Variants in SLC37A1 observed in about 807,000 individuals in gnomAD.
SLC37A1 encodes the protein solute carrier family 37 member 1.
SLC37A1 carries 49 observed loss-of-function variants against 75.3 expected under a neutral mutation model. The observed-to-expected ratio is 0.65, with a 90% confidence interval of 0.52 to 0.83. SLC37A1 has a LOEUF of 0.83. Among genes scored for constraint, SLC37A1 ranks in the 40% least tolerant of loss-of-function variants. The pLI is 0.00. For synonymous variants in SLC37A1, 268 were observed against 292.1 expected, an observed-to-expected ratio of 0.92 and a Z score of 0.84; for missense variants, 566 against 695.0, an observed-to-expected ratio of 0.81 and a Z score of 2.09.
chr21:42,553,726 A>G (rs1336001506), intron 9 of SLC37A1, among the ~76,000 whole-genome samples: 1 of 151,730 alleles, frequency 6.6e-6, no homozygotes, highest in Non-Finnish European at 1.5e-5. Flanking sequence ...TGTTCCTCAC[A>G]TGTTAAAGGG....
chr21:42,535,418 G>T, intron 4 of SLC37A1, 54 bp from the exon 5 acceptor site: 2 of 1,472,078 alleles, frequency 1.4e-6, no homozygotes, highest in South Asian at 2.3e-5. Context: ...CCGTGCTCTA[G>T]AACATAAACT....
chr21:42,519,666 G>T (rs2054598014), intron 2 of SLC37A1, among the ~76,000 whole-genome samples: 1 of 152,178 alleles, frequency 6.6e-6, no homozygotes, highest in African/African-American at 2.4e-5. Context: ...CAGCCCTGCT[G>T]GTTGGTGGAG....
At chr21:42,531,844 A>G (rs762931903) in intron 3 of SLC37A1, among the ~76,000 whole-genome samples, 1 of 152,230 alleles carries the variant, frequency 6.6e-6, no homozygotes, top group Non-Finnish European at 1.5e-5. Flanking sequence ...CTGGAGTAAT[A>G]TGAAATCTCG....
At chr21:42,570,178 C>CCATGT (rs1555888056) in intron 17 of SLC37A1, among the ~76,000 whole-genome samples, 932 of 47,950 alleles carry the variant, frequency 0.019, 165 homozygotes, top group African/African-American at 0.048. Context: ...GTGGCCATTG[C>CCATGT]CATGTGACAC....
chr21:42,564,651 TC>T, intron 13 of SLC37A1, 56 bp from the exon 14 acceptor site: 1 of 1,415,868 alleles, frequency 7.1e-7, no homozygotes. Context: ...TTCTGCTTCC[TC>T]CCCGTGGGCT....
chr21:42,541,708 A>G (rs890789134), intron 6 of SLC37A1, among the ~76,000 whole-genome samples: 1 of 152,224 alleles, frequency 6.6e-6, no homozygotes, highest in South Asian at 2.1e-4. Flanking sequence ...AACAGTTCAT[A>G]AAGAGAAGAA....
intron 1 of SLC37A1, among the ~76,000 whole-genome samples, chr21:42,516,208 G>T (rs907121380): frequency 2.0e-5 from 3 of 152,232 alleles, no homozygotes; most frequent in Non-Finnish European, 4.4e-5. Flanking sequence ...CAAAAACTGG[G>T]TTTAAACCAA....
intron 10 of SLC37A1, among the ~76,000 whole-genome samples, chr21:42,556,471 T>C (rs1323875459): frequency 1.3e-5 from 2 of 152,250 alleles, no homozygotes; most frequent in African/African-American, 2.4e-5. Flanking sequence ...CGGGGTGAGC[T>C]TAGCATTTTT....
chr21:42,507,538 G>A (rs909908026), intron 2 of SLC37A1, among the ~76,000 whole-genome samples: 2 of 152,202 alleles, frequency 1.3e-5, no homozygotes, highest in Non-Finnish European at 2.9e-5. Context: ...GTGTGTCTTA[G>A]TCCTTTTGGG....
At position 42,547,189 on chromosome 21, in the gene SLC37A1, AC is replaced by A; in HGVS notation, c.768+51del. The A allele has an allele frequency of 6.2e-7, 1 of 1,603,806 alleles. No individual in the cohort carries two copies. Among genetic ancestry groups the A allele is most frequent in the Non-Finnish European group, 8.5e-7 (1 of 1,170,690 alleles). ...TTTTCTAGAACAGTGTGCGGTTCTG[AC>A]CACTTCCCCAGCCTGCTCCTGCCTG... On this transcript the variant is annotated intron_variant, in intron 9 of 19. Transcript: ENST00000352133. This position sits in a 1 kb window ranked among gnomAD's most constrained non-coding sequence, Gnocchi z 6.1.
At chr21:42,544,724 G>A (rs2055364512) in intron 8 of SLC37A1, among the ~76,000 whole-genome samples, 1 of 152,226 alleles carries the variant, frequency 6.6e-6, no homozygotes, top group East Asian at 1.9e-4. Flanking sequence ...GCCAGCATGT[G>A]GCTTTCAGCT....
At position 42,514,811 on chromosome 21, in the gene SLC37A1, CAGGTTTGA is replaced by C. The variant is rs2054491306; in HGVS notation, c.-179+96_-179+103del. The C allele has an allele frequency of 6.6e-6, 1 of 152,548 alleles. No homozygotes were observed. The highest frequency in any genetic ancestry group is 2.1e-4 in the South Asian group (1 of 4,834). 9.4% of individuals were successfully genotyped at this position (152,548 alleles called of 1,614,324 possible). On this transcript the variant is annotated intron_variant, in intron 1 of 19. Transcript: ENST00000352133. This position sits in a 1 kb window ranked among gnomAD's most constrained non-coding sequence, Gnocchi z 4.8. Reference sequence around the variant, plus strand: ...CCGCTAACACCCCAGCCCGCGGCCCCAGGTTTGAATTTCCAAAGGAGGAATTGCTAAAG... The same window carrying C: ...CCGCTAACACCCCAGCCCGCGGCCCCATTTCCAAAGGAGGAATTGCTAAAG...
intron 19 of SLC37A1, among the ~76,000 whole-genome samples, chr21:42,580,026 C>T (rs929795680): frequency 6.6e-6 from 1 of 152,130 alleles, no homozygotes; most frequent in African/African-American, 2.4e-5. Context: ...AGGGAATTGC[C>T]GTCTTTGGCA....
In SLC37A1 at chr21:42,552,845, G is replaced by A. The variant is rs1449455717; in HGVS notation, c.769-1217G>A. Among the ~76,000 whole-genome samples, 6 of 152,212 alleles carry A rather than the reference G, an allele frequency of 3.9e-5. No individual in the cohort carries two copies. Among genetic ancestry groups the A allele is most frequent in the Middle Eastern group, 3.2e-3 (1 of 314 alleles). On this transcript the variant is annotated intron_variant, in intron 9 of 19. Transcript: ENST00000352133. This position sits in a 1 kb window ranked among gnomAD's most constrained non-coding sequence, Gnocchi z 4.2. ...GCAGCCTCTGCTCACTGCGGGGGAC[G>A]GGGGGCCGAGTGCTGGGGAGCAGGA... is the stretch of plus-strand genomic sequence containing the variant.
At chr21:42,511,933 C>T (rs188785279), upstream of SLC37A1, among the ~76,000 whole-genome samples, 93 of 151,916 alleles carry the variant, frequency 6.1e-4, 1 homozygote, top group African/African-American at 2.1e-3. Flanking sequence ...AATGGGGAGT[C>T]GCTGGCCAAA....
intron 17 of SLC37A1, among the ~76,000 whole-genome samples, chr21:42,570,802 C>T (rs922411642): frequency 2.6e-5 from 4 of 152,182 alleles, no homozygotes; most frequent in Non-Finnish European, 5.9e-5. Context: ...GGAGACCCTG[C>T]GTCTGTGAAC....
chr21:42,571,873 C>G (rs1344810814), intron 17 of SLC37A1, among the ~76,000 whole-genome samples: 2 of 152,212 alleles, frequency 1.3e-5, no homozygotes, highest in African/African-American at 4.8e-5. Flanking sequence ...CCATCCTGCC[C>G]TGCCCCACCC....
At chr21:42,574,121 G>A (rs191116187) in intron 17 of SLC37A1, among the ~76,000 whole-genome samples, 3 of 152,238 alleles carry the variant, frequency 2.0e-5, no homozygotes, top group East Asian at 1.9e-4. Context: ...CCCTTTCCTC[G>A]TAACTATTCA....
chr21:42,580,781 T>G lies in SLC37A1; in HGVS notation c.*421T>G. On this transcript the variant is annotated 3_prime_UTR_variant, in exon 20 of 20. Transcript: ENST00000352133. ...GCTGGCTGTGGCTTCAGAGAACCTGTATGTGCCACATGGAAAAACAGGACA... is the reference window on the plus strand; with the variant it reads ...GCTGGCTGTGGCTTCAGAGAACCTGGATGTGCCACATGGAAAAACAGGACA... 4.6e-6 allele frequency: 1 copy of G among 215,326 alleles called. No homozygotes were observed. Among genetic ancestry groups the G allele is most frequent in the Non-Finnish European group, 9.4e-6 (1 of 106,652 alleles). 13.3% of individuals were successfully genotyped at this position (215,326 alleles called of 1,614,324 possible).
Sources: allele counts gnomAD v4.1 joint callset (sites outside exome capture counted in the v4.1 genomes callset), GRCh38; gene constraint gnomAD v4.1.1; non-coding constraint Gnocchi (gnomAD v3.1); transcripts MANE v1.5; gene names NCBI Gene and HGNC (gene_info 2026-07-23, HGNC 2026-07-21).